The following ANKS1B variants were observed in gnomAD, a reference collection of about 807,000 sequenced individuals.
The protein encoded by ANKS1B is ankyrin repeat and sterile alpha motif domain-containing protein 1B.
A neutral mutation model predicts 148.3 loss-of-function variants in ANKS1B; 36 were observed. The ratio of observed to expected loss-of-function variants is 0.24; its 90% CI spans 0.19 to 0.32. The LOEUF is 0.32. ANKS1B is among the 10% of genes least tolerant of loss of function. The pLI is 1.00. For missense variants in ANKS1B, 1,157 were observed against 1,542.6 expected, an observed-to-expected ratio of 0.75 and a Z score of 4.19; for synonymous variants, 542 against 560.8, an observed-to-expected ratio of 0.97 and a Z score of 0.47.
chr12:99,298,351 T>C (rs1180119133), intron 12 of ANKS1B, among the ~76,000 whole-genome samples: 1 of 152,192 alleles, frequency 6.6e-6, no homozygotes, highest in East Asian at 1.9e-4. Context: ...CTCATAGTAG[T>C]GAACAAGTCT....
intron 9 of ANKS1B, among the ~76,000 whole-genome samples, chr12:99,630,814 C>A (rs2098151310): frequency 6.6e-6 from 1 of 152,170 alleles, no homozygotes; most frequent in Non-Finnish European, 1.5e-5. Flanking sequence ...AGAAGGCTCT[C>A]ACCAGCTCTG....
intron 9 of ANKS1B, among the ~76,000 whole-genome samples, chr12:99,637,755 C>G (rs140033189): frequency 2.0e-4 from 30 of 150,262 alleles, no homozygotes; most frequent in Non-Finnish European, 3.5e-4. Flanking sequence ...GCCTTGTGAT[C>G]ATGTGAGTTT....
chr12:99,955,292 A>G (rs1295902900), intron 1 of ANKS1B, among the ~76,000 whole-genome samples: 1 of 151,932 alleles, frequency 6.6e-6, no homozygotes, highest in Non-Finnish European at 1.5e-5. Context: ...GGCCTTCTCG[A>G]GACCATCCTG....
intron 12 of ANKS1B, among the ~76,000 whole-genome samples, chr12:99,352,416 G>A (rs6538913): frequency 0.93 from 141,069 of 151,936 alleles, 65,518 homozygotes; most frequent in East Asian, 1. Context: ...GGAGGGGGGA[G>A]TCTGCTATGA....
chr12:99,644,670 G>A (rs912653063), intron 9 of ANKS1B, among the ~76,000 whole-genome samples: 5 of 152,210 alleles, frequency 3.3e-5, no homozygotes, highest in East Asian at 1.9e-4. Context: ...CCAAAATGTG[G>A]AATAGTTTCC....
At chr12:98,953,043 C>G (rs1337282475) in intron 17 of ANKS1B, among the ~76,000 whole-genome samples, 3 of 149,258 alleles carry the variant, frequency 2.0e-5, no homozygotes, top group African/African-American at 7.5e-5. Flanking sequence ...TTTTTTGAGA[C>G]AGAATCTCAC....
intron 12 of ANKS1B, among the ~76,000 whole-genome samples, chr12:99,374,395 G>C (rs78646166): frequency 2.0e-5 from 3 of 152,116 alleles, no homozygotes; most frequent in Non-Finnish European, 4.4e-5. Flanking sequence ...AGGTGAACTG[G>C]TGTGTCTACA....
intron 22 of ANKS1B, 43 bp downstream of exon 22, chr12:98,798,891 T>C (rs777083752): frequency 2.0e-6 from 3 of 1,520,264 alleles, no homozygotes; most frequent in Non-Finnish European, 1.8e-6. Flanking sequence ...ACCCAGTATT[T>C]AGTATTTCAG....
At chr12:98,987,264 G>T (rs143376652) in intron 17 of ANKS1B, among the ~76,000 whole-genome samples, 108 of 151,122 alleles carry the variant, frequency 7.1e-4, no homozygotes, top group African/African-American at 2.5e-3. Context: ...TTGTGCTGAT[G>T]AACTTCATTA....
chr12:98,883,452 C>G (rs2099721234), intron 17 of ANKS1B, among the ~76,000 whole-genome samples: 1 of 152,182 alleles, frequency 6.6e-6, no homozygotes, highest in African/African-American at 2.4e-5. Context: ...ATCATTGCAA[C>G]AAACAGAGAC....
intron 11 of ANKS1B, among the ~76,000 whole-genome samples, chr12:99,417,204 T>C (rs1313162864): frequency 1.3e-5 from 2 of 152,258 alleles, no homozygotes; most frequent in Non-Finnish European, 2.9e-5. Context: ...ATATTTTAAG[T>C]CAATTATCCA....
intron 1 of ANKS1B, among the ~76,000 whole-genome samples, chr12:99,877,312 T>C (rs1231114569): frequency 6.6e-6 from 1 of 152,228 alleles, no homozygotes; most frequent in Non-Finnish European, 1.5e-5. Context: ...TTCCAATGGC[T>C]CTAAAGCCAT....
chr12:98,890,851 C>A (rs1195376077), intron 17 of ANKS1B, among the ~76,000 whole-genome samples: 2 of 152,184 alleles, frequency 1.3e-5, no homozygotes, highest in African/African-American at 4.8e-5. Context: ...GAATCAAGCA[C>A]CCTCCAAATA....
chr12:98,912,297 T>G (rs1189656874), intron 17 of ANKS1B, among the ~76,000 whole-genome samples: 3 of 152,202 alleles, frequency 2.0e-5, no homozygotes, highest in Non-Finnish European at 4.4e-5. Flanking sequence ...TAATGATCCC[T>G]AGACTTTGCT....
intron 15 of ANKS1B, among the ~76,000 whole-genome samples, chr12:99,126,809 T>C (rs2064506695): frequency 6.6e-6 from 1 of 152,218 alleles, no homozygotes; most frequent in Non-Finnish European, 1.5e-5. Flanking sequence ...TTACTCTACA[T>C]GATCTCTATA....
chr12:98,788,172 A>T (rs879005996), intron 22 of ANKS1B, among the ~76,000 whole-genome samples: 3 of 151,212 alleles, frequency 2.0e-5, no homozygotes, highest in Non-Finnish European at 4.4e-5. Flanking sequence ...TGGAAGGCCG[A>T]GGTGGGTGGA....
At chr12:99,300,708 A>G (rs1429906489) in intron 12 of ANKS1B, among the ~76,000 whole-genome samples, 1 of 152,170 alleles carries the variant, frequency 6.6e-6, no homozygotes, top group Non-Finnish European at 1.5e-5. Context: ...TAAAATGCAT[A>G]TAACTTCACT....
At chr12:98,836,944 A>G (rs2099367248) in intron 17 of ANKS1B, among the ~76,000 whole-genome samples, 1 of 152,228 alleles carries the variant, frequency 6.6e-6, no homozygotes. Context: ...GAGATCAGGC[A>G]CAAATAACTA....
chr12:99,280,075 A>C (rs75699212), intron 12 of ANKS1B, among the ~76,000 whole-genome samples: 102 of 152,272 alleles, frequency 6.7e-4, no homozygotes, highest in African/African-American at 2.5e-3. Context: ...AACAATTCTC[A>C]TAATTGATAT....
Sources: allele counts gnomAD v4.1 joint callset (sites outside exome capture counted in the v4.1 genomes callset), GRCh38; gene constraint gnomAD v4.1.1; transcripts MANE v1.5; gene names NCBI Gene and HGNC (gene_info 2026-07-23, HGNC 2026-07-21).